PCDHGA9: variants seen among roughly 807,000 people sequenced by gnomAD.
PCDHGA9 encodes protocadherin gamma subfamily A, 9, also known as protocadherin gamma-A9.
In PCDHGA9, 37 loss-of-function variants were observed where a neutral mutation model predicts 62.5. The observed-to-expected ratio is 0.59, with a 90% CI of 0.46 to 0.78. The LOEUF is 0.78. PCDHGA9 is among the 30% of genes least tolerant of loss of function. The pLI is 0.00. For synonymous variants in PCDHGA9, 459 were observed against 484.6 expected, an observed-to-expected ratio of 0.95 and a Z score of 0.69; for missense variants, 1,138 against 1,166.2, an observed-to-expected ratio of 0.98 and a Z score of 0.35.
rs1245526846 is a variant in PCDHGA9, at chr5:141,512,505, C to T, written c.*1332C>T. ...GCCACTGCCCAGGTCCCCAGTGCGCCCCCTAGTGGCCATAGCCTGGTTAAA... is the reference window on the plus strand; with the variant it reads ...GCCACTGCCCAGGTCCCCAGTGCGCTCCCTAGTGGCCATAGCCTGGTTAAA... On this transcript the variant is annotated 3_prime_UTR_variant, in exon 4 of 4. Transcript: ENST00000573521. The T allele has an allele frequency of 1.3e-5, 2 of 152,888 alleles. No individual in the cohort carries two copies. The highest frequency in any genetic ancestry group is 4.8e-5 in the African/African-American group (2 of 41,466). 9.5% of individuals were successfully genotyped at this position (152,888 alleles called of 1,614,324 possible). A position where few individuals can be genotyped will look rare whatever the true frequency, so the allele number is the denominator to read the frequency against.
chr5:141,409,198 A>T, intron 1 of PCDHGA9: 1 of 1,614,010 alleles, frequency 6.2e-7, no homozygotes, highest in South Asian at 1.1e-5. Flanking sequence ...CCCAGTGTAA[A>T]GTAATCATAG....
chr5:141,409,441 G>A (rs1432743588), intron 1 of PCDHGA9: 1 of 1,613,884 alleles, frequency 6.2e-7, no homozygotes, highest in Admixed American at 1.7e-5. Context: ...TGGACCGAGA[G>A]CAGACACCAG....
At chr5:141,499,007 AG>A (rs2099788320) in intron 2 of PCDHGA9, among the ~76,000 whole-genome samples, 1 of 151,128 alleles carries the variant, frequency 6.6e-6, no homozygotes, top group Non-Finnish European at 1.5e-5. Flanking sequence ...GAAGGAAGGA[AG>A]GAAGGAAGGA....
At chr5:141,495,278 C>A (rs2099760057) in intron 2 of PCDHGA9, among the ~76,000 whole-genome samples, 1 of 152,174 alleles carries the variant, frequency 6.6e-6, no homozygotes, top group Non-Finnish European at 1.5e-5. Context: ...CCGGAGGAGG[C>A]GGTCCGCACT....
chr5:141,492,833 C>T (rs951935267), intron 1 of PCDHGA9, among the ~76,000 whole-genome samples: 2 of 152,222 alleles, frequency 1.3e-5, no homozygotes, highest in African/African-American at 4.8e-5. Flanking sequence ...CCCTTCCTCC[C>T]GCAGGAAGTG....
At chr5:141,482,530 CAAAAAAA>C (rs3074545) in intron 1 of PCDHGA9, among the ~76,000 whole-genome samples, 2 of 76,560 alleles carry the variant, frequency 2.6e-5, no homozygotes, top group South Asian at 4.6e-4. Flanking sequence ...GACAGACATG[CAAAAAAA>C]AAAAAAAAAA....
intron 2 of PCDHGA9, among the ~76,000 whole-genome samples, chr5:141,503,596 C>T (rs1267014587): frequency 7.7e-6 from 1 of 129,694 alleles, no homozygotes; most frequent in African/African-American, 3.3e-5. Context: ...GAGACTCCAG[C>T]TCAAAAAAAA....
At chr5:141,414,223 G>C in intron 1 of PCDHGA9, 1 of 1,613,426 alleles carries the variant, frequency 6.2e-7, no homozygotes, top group Non-Finnish European at 8.5e-7. Flanking sequence ...CAACAGTCCA[G>C]AGCTGACCAT....
chr5:141,405,050 G>T lies in PCDHGA9; in HGVS notation c.2098G>T (p.Val700Phe). The stretch of plus-strand genomic sequence containing the variant: ...CTACCTCGTTGTGGCTGTGGCAGTC[G>T]TCTCCTGTGTCTTCCTCACCTTCGT... ...TLYLVVAVAV[V>F]SCVFLTFVIT... Residue 700 changes from valine (V) to phenylalanine (F), a missense_variant, in exon 1 of 4, where the codon GTC (valine) becomes TTC (phenylalanine). Transcript: ENST00000573521. The T allele has an allele frequency of 6.2e-7, 1 of 1,613,866 alleles. No homozygotes were observed. The highest frequency in any genetic ancestry group is 1.1e-5 in the South Asian group (1 of 91,078).
chr5:141,410,440 G>A, intron 1 of PCDHGA9: 1 of 1,614,036 alleles, frequency 6.2e-7, no homozygotes, highest in Non-Finnish European at 8.5e-7. Context: ...ACAGTGAGGG[G>A]ACTTTGCCTT....
At chr5:141,470,112 G>T (rs1186184232) in intron 1 of PCDHGA9, among the ~76,000 whole-genome samples, 1 of 152,104 alleles carries the variant, frequency 6.6e-6, no homozygotes, top group Non-Finnish European at 1.5e-5. Flanking sequence ...CTGAGCAACA[G>T]AGCAAGACTT....
In PCDHGA9 at chr5:141,478,136, C is replaced by G. The variant is rs529858044; in HGVS notation, c.2425-16671C>G. 1.4e-4 allele frequency: 218 copies of G among 1,614,048 alleles called. 3 individuals are homozygous for G. The South Asian group carries it at 2.2e-3, about 17-fold the overall frequency. ...AGTAACCGAGGACTCTCCTGAAGCC[C>G]GAGCCGAGTTCCCCTCTGGCTCTGC... is the stretch of plus-strand genomic sequence containing the variant. On this transcript the variant is annotated intron_variant, in intron 1 of 3. Coordinates refer to ENST00000573521, the MANE Select transcript of PCDHGA9 (RefSeq NM_018921.3).
intron 1 of PCDHGA9, among the ~76,000 whole-genome samples, chr5:141,420,710 G>A (rs2096519301): frequency 6.6e-6 from 1 of 152,186 alleles, no homozygotes; most frequent in South Asian, 2.1e-4. Flanking sequence ...TTCCAGAAAT[G>A]TCGTTCCTTT....
At chr5:141,459,490 T>C (rs2098968649) in intron 1 of PCDHGA9, among the ~76,000 whole-genome samples, 1 of 152,236 alleles carries the variant, frequency 6.6e-6, no homozygotes, top group Non-Finnish European at 1.5e-5. Context: ...TATTCTGAAT[T>C]AAAGTGATGT....
intron 3 of PCDHGA9, among the ~76,000 whole-genome samples, chr5:141,509,262 ACT>A (rs761383166): frequency 9.2e-5 from 14 of 151,714 alleles, no homozygotes; most frequent in Non-Finnish European, 1.9e-4. Flanking sequence ...GGCTTTAGTC[ACT>A]CTCGCTACCC....
intron 1 of PCDHGA9, chr5:141,426,943 C>T: frequency 2.2e-6 from 1 of 456,736 alleles, no homozygotes; most frequent in Non-Finnish European, 4.4e-6. Flanking sequence ...GACCCAGTCC[C>T]AACTGGCACT....
Position 141,486,677 on chromosome 5 carries a change from G to A in PCDHGA9, c.2425-8130G>A, listed in dbSNP as rs755512470. ...ACTCCTGGAGCCCAGGAATCGAGATGTATCAGCTTCCTCTTTCATCTCTCT... is the reference window on the plus strand; with the variant it reads ...ACTCCTGGAGCCCAGGAATCGAGATATATCAGCTTCCTCTTTCATCTCTCT... On this transcript the variant is annotated intron_variant, in intron 1 of 3. Transcript: ENST00000573521. This position sits in a 1 kb window ranked among gnomAD's most constrained non-coding sequence, Gnocchi z 5.0. The A allele has an allele frequency of 3.7e-6, 6 of 1,614,060 alleles. No individual in the cohort carries two copies. Among genetic ancestry groups the A allele is most frequent in the Middle Eastern group, 1.6e-4 (1 of 6,062 alleles).
At chr5:141,419,543 G>T (rs573594140) in intron 1 of PCDHGA9, 1 of 1,612,106 alleles carries the variant, frequency 6.2e-7, no homozygotes, top group East Asian at 2.2e-5. Flanking sequence ...CGCACCGCGG[G>T]TGCTGTACCC....
At chr5:141,413,844 C>A in intron 1 of PCDHGA9, 2 of 1,613,254 alleles carry the variant, frequency 1.2e-6, no homozygotes, top group Non-Finnish European at 1.7e-6. Context: ...ACGGGGGTGA[C>A]CCTCTCCGAT....
Sources: gnomAD v4.1 joint callset for allele counts (sites outside exome capture counted in the v4.1 genomes callset) on GRCh38, gnomAD v4.1.1 for gene constraint, Gnocchi (gnomAD v3.1) non-coding constraint, MANE v1.5 for transcripts, NCBI Gene and HGNC (gene_info 2026-07-23, HGNC 2026-07-21) for gene names.